CCDC57: variants seen among roughly 807,000 people sequenced by gnomAD.
The protein encoded by CCDC57 is coiled-coil domain-containing protein 57.
A neutral mutation model predicts 118.9 loss-of-function variants in CCDC57; 118 were observed. The ratio of observed to expected loss-of-function variants is 0.99; its 90% CI spans 0.86 to 1.16. CCDC57 has a LOEUF of 1.16. CCDC57 is among the 50% of genes most tolerant of loss of function. The pLI is 0.00. For missense variants in CCDC57, 1,300 were observed against 1,320.7 expected (o/e 0.98, Z 0.24); for synonymous variants, 527 against 532.9 (o/e 0.99, Z 0.15).
At chr17:82,105,615 TGAGCTCCTG>T (rs1296823087) in intron 19 of CCDC57, among the ~76,000 whole-genome samples, 6 of 152,104 alleles carry the variant, frequency 3.9e-5, no homozygotes, top group Admixed American at 1.3e-4. Context: ...CCCCCACCCC[TGAGCTCCTG>T]GAGCTCAGCC....
chr17:82,165,618 A>C (rs2043893821), intron 13 of CCDC57, among the ~76,000 whole-genome samples: 1 of 152,172 alleles, frequency 6.6e-6, no homozygotes, highest in South Asian at 2.1e-4. Context: ...TGCTGTGGAC[A>C]AAGGCCAGCT....
chr17:82,139,846 T>C lies in CCDC57; in HGVS notation c.2456-5652A>G, dbSNP rs141528811. Among the ~76,000 whole-genome samples the C allele has an allele frequency of 5.9e-3, 899 of 152,300 alleles. 8 individuals carry two copies. The highest frequency in any genetic ancestry group is 0.021 in the African/African-American group (858 of 41,558). ...AGTCTCTAGTCGAGAAGCAGATGGA[T>C]TGTTGAGACCAAGAACCAAGATGGA... On this transcript the variant is annotated intron_variant, in intron 16 of 19. Transcript: ENST00000665763.
intron 17 of CCDC57, among the ~76,000 whole-genome samples, chr17:82,130,499 C>CTT (rs35413191): frequency 0.03 from 2,627 of 88,878 alleles, 241 homozygotes; most frequent in African/African-American, 0.099. Flanking sequence ...CCAGACAAAA[C>CTT]TTTTTTTTTT....
At chr17:82,111,377 CTTTTTT>C (rs752590665) in intron 19 of CCDC57, among the ~76,000 whole-genome samples, 1 of 113,240 alleles carries the variant, frequency 8.8e-6, no homozygotes, top group African/African-American at 3.8e-5. Flanking sequence ...GCCTAGGGCC[CTTTTTT>C]TTTTTTTTTT....
At chr17:82,209,775 C>T (rs930427689) in intron 1 of CCDC57, among the ~76,000 whole-genome samples, 1 of 152,200 alleles carries the variant, frequency 6.6e-6, no homozygotes, top group Non-Finnish European at 1.5e-5. Flanking sequence ...GCGTGAGCCA[C>T]TGTACCCAGC....
Position 82,183,805 on chromosome 17 carries a change from G to A in CCDC57, c.1180C>T (p.Gln394Ter). 1 of 1,586,482 alleles carries A rather than the reference G, an allele frequency of 6.3e-7. No homozygotes were observed. Among genetic ancestry groups the A allele is most frequent in the Non-Finnish European group, 8.6e-7 (1 of 1,166,054 alleles). The change falls in exon 9 of 20, where the codon CAG (glutamine) becomes TAG (stop). Residue 394 changes from glutamine to a stop codon, truncating the protein, a stop_gained. Coordinates refer to ENST00000665763, the Ensembl canonical transcript of CCDC57. LOFTEE classifies it high-confidence loss of function. ...ATGTCCTGCTGGGATCGGGCCACCT[G>A]TGCCTTGAGCTTCACCTCTTCTTCC...
chr17:82,109,714 G>A (rs1043523085), intron 19 of CCDC57, among the ~76,000 whole-genome samples: 23 of 151,780 alleles, frequency 1.5e-4, no homozygotes, highest in Admixed American at 8.5e-4. Flanking sequence ...AAAATTAGCC[G>A]GGCGTGGTGG....
chr17:82,141,177 A>ATT (rs56298520), intron 16 of CCDC57, among the ~76,000 whole-genome samples: 81 of 121,470 alleles, frequency 6.7e-4, no homozygotes, highest in African/African-American at 9.6e-4. Context: ...CGCCCGGCTA[A>ATT]TTTTTTTTTT....
intron 19 of CCDC57, among the ~76,000 whole-genome samples, chr17:82,119,228 C>T (rs1396663910): frequency 6.6e-6 from 1 of 152,006 alleles, no homozygotes; most frequent in South Asian, 2.1e-4. Context: ...TTTAATGCTT[C>T]CATCCAGGAA....
At chr17:82,143,549 G>A (rs1376659102) in intron 16 of CCDC57, among the ~76,000 whole-genome samples, 5 of 152,012 alleles carry the variant, frequency 3.3e-5, no homozygotes, top group Admixed American at 2.6e-4. Context: ...GCACACACAC[G>A]TGTCAGGGAG....
chr17:82,210,901 G>T (rs2050133671), intron 1 of CCDC57, among the ~76,000 whole-genome samples: 1 of 149,744 alleles, frequency 6.7e-6, no homozygotes. Flanking sequence ...GGCTGAGGCA[G>T]GAGAATCACT....
intron 19 of CCDC57, among the ~76,000 whole-genome samples, chr17:82,105,406 T>A (rs1254483830): frequency 6.6e-6 from 1 of 152,158 alleles, no homozygotes; most frequent in Admixed American, 6.5e-5. Context: ...ACAAGGCTTT[T>A]CCCACCACTG....
chr17:82,149,566 C>T (rs2041563549), intron 16 of CCDC57, among the ~76,000 whole-genome samples: 1 of 152,114 alleles, frequency 6.6e-6, no homozygotes, highest in Admixed American at 6.5e-5. Context: ...CTCACAAATG[C>T]TGCCAGCGAA....
intron 2 of CCDC57, among the ~76,000 whole-genome samples, chr17:82,204,969 T>C (rs962153035): frequency 6.6e-6 from 1 of 152,196 alleles, no homozygotes; most frequent in African/African-American, 2.4e-5. Flanking sequence ...TGAACATCAC[T>C]GCAGGGAAGC....
At chr17:82,152,280 G>GC in intron 15 of CCDC57, 1 of 159,736 alleles carries the variant, frequency 6.3e-6, no homozygotes. Context: ...GCGTGGCTTG[G>GC]CCCTCCTCCA....
rs1256098354 is a variant in CCDC57 at position 82,151,642 on chromosome 17, TC to T, written c.2372del (p.Arg791LysfsTer112). 3 of 1,550,434 alleles carry T rather than the reference TC, an allele frequency of 1.9e-6. No homozygotes were observed. In the Admixed American group the frequency reaches 5.9e-5, roughly 30 times the overall value. ...TCTCCAGGCGGAGGCTGATGATTTTTCTGGCTGCCTCCTTCAGCTTTCTCTG... is the reference window on the plus strand; with the variant it reads ...TCTCCAGGCGGAGGCTGATGATTTTTTGGCTGCCTCCTTCAGCTTTCTCTG... On this transcript the variant is annotated frameshift_variant, in exon 16 of 20. Transcript: ENST00000665763. LOFTEE classifies it high-confidence loss of function.
intron 15 of CCDC57, chr17:82,154,056 C>G (rs1384717309): frequency 6.6e-6 from 1 of 152,360 alleles, no homozygotes; most frequent in East Asian, 1.9e-4. Context: ...AACACTGCCC[C>G]CCAGTGGACC....
At chr17:82,105,656 G>A (rs968793132) in intron 19 of CCDC57, among the ~76,000 whole-genome samples, 12 of 152,104 alleles carry the variant, frequency 7.9e-5, no homozygotes, top group African/African-American at 4.8e-5. Flanking sequence ...CCGTGGCCCC[G>A]GGGCTGCCTT....
chr17:82,119,633 G>C (rs1371314395), intron 19 of CCDC57, among the ~76,000 whole-genome samples: 1 of 152,120 alleles, frequency 6.6e-6, no homozygotes, highest in Non-Finnish European at 1.5e-5. Flanking sequence ...GGCAAACAAG[G>C]AGGGTGCCTG....
Sources: allele counts gnomAD v4.1 joint callset (sites outside exome capture counted in the v4.1 genomes callset), GRCh38; gene constraint gnomAD v4.1.1; transcripts MANE v1.5; gene names NCBI Gene and HGNC (gene_info 2026-07-23, HGNC 2026-07-21).